Variants in GLIS1 observed in about 807,000 individuals in gnomAD.
GLIS1 encodes zinc finger protein GLIS1.
In GLIS1, 24 loss-of-function variants were observed where a neutral mutation model predicts 63.8. That is an observed-to-expected ratio of 0.38 (90% CI 0.27 to 0.53). The LOEUF (loss-of-function observed/expected upper bound fraction) is 0.53, where lower values mean the gene tolerates loss of function less well. Among genes scored for constraint, GLIS1 ranks in the 20% least tolerant of loss-of-function variants. The pLI, the probability that GLIS1 is intolerant of heterozygous loss-of-function variation, is 0.85. For synonymous variants in GLIS1, 450 were observed against 482.5 expected, an observed-to-expected ratio of 0.93 and a Z score of 0.88; for missense variants, 1,036 against 1,074.1, an observed-to-expected ratio of 0.96 and a Z score of 0.50.
At position 53,598,270 on chromosome 1, in the gene GLIS1, C is replaced by T. The variant is rs1346541164; in HGVS notation, c.437+1831G>A. On this transcript the variant is annotated intron_variant, in intron 3 of 10. Transcript: ENST00000628545. The surrounding 1 kb of genome is among the most constrained non-coding windows in gnomAD (Gnocchi z 4.6). ...TCTTATAAGAAATGAGGGCCGGGCA[C>T]GGTGGCTCACGCCTGTAATCCCAGC... 1.3e-5 allele frequency among the ~76,000 whole-genome samples: 2 copies of T among 152,136 alleles called. No homozygotes were observed. Among genetic ancestry groups the T allele is most frequent in the Non-Finnish European group, 2.9e-5 (2 of 68,024 alleles).
intron 2 of GLIS1, among the ~76,000 whole-genome samples, chr1:53,694,982 T>G (rs947496799): frequency 1.3e-5 from 2 of 152,042 alleles, no homozygotes; most frequent in African/African-American, 4.8e-5. Flanking sequence ...GCTCACTACC[T>G]CCCCAGACAC....
intron 2 of GLIS1, among the ~76,000 whole-genome samples, chr1:53,630,361 C>A (rs1645638530): frequency 6.6e-6 from 1 of 152,306 alleles, no homozygotes; most frequent in East Asian, 1.9e-4. Flanking sequence ...CTTAGAAAAA[C>A]TTCCAAGGGG....
At chr1:53,674,001 GTCTC>G (rs1056204977) in intron 2 of GLIS1, among the ~76,000 whole-genome samples, 1 of 151,930 alleles carries the variant, frequency 6.6e-6, no homozygotes, top group African/African-American at 2.4e-5. Flanking sequence ...GTGAAACCCC[GTCTC>G]TATGAAAAAT....
intron 2 of GLIS1, among the ~76,000 whole-genome samples, chr1:53,629,693 T>TGATGATGGGTTGA (rs1645631889): frequency 6.6e-6 from 1 of 152,230 alleles, no homozygotes; most frequent in Non-Finnish European, 1.5e-5. Context: ...ATCACCTTCC[T>TGATGATGGGTTGA]GCAAGAGGCC....
chr1:53,553,206 C>A (rs1644779577), intron 4 of GLIS1, among the ~76,000 whole-genome samples: 1 of 152,198 alleles, frequency 6.6e-6, no homozygotes, highest in Non-Finnish European at 1.5e-5. Flanking sequence ...AAAGCGCAGC[C>A]TCGGGGCTGG....
intron 2 of GLIS1, among the ~76,000 whole-genome samples, chr1:53,659,343 T>G (rs1282449907): frequency 2.6e-5 from 4 of 152,142 alleles, no homozygotes; most frequent in African/African-American, 4.8e-5. Flanking sequence ...TTTCCAGCCC[T>G]GGGGTGAGCT....
intron 2 of GLIS1, among the ~76,000 whole-genome samples, chr1:53,730,884 GT>G (rs10712415): frequency 0.54 from 81,676 of 151,922 alleles, 23,868 homozygotes; most frequent in South Asian, 0.65. Flanking sequence ...AAACTCTCAA[GT>G]TCACTCTGAT....
At chr1:53,528,807 C>A (rs1324508283) in intron 5 of GLIS1, among the ~76,000 whole-genome samples, 3 of 152,160 alleles carry the variant, frequency 2.0e-5, no homozygotes, top group East Asian at 3.9e-4. Context: ...AATCCCCCAG[C>A]CTCTGACCCA....
chr1:53,606,494 G>A (rs958223584), intron 2 of GLIS1, among the ~76,000 whole-genome samples: 1 of 152,080 alleles, frequency 6.6e-6, no homozygotes, highest in Non-Finnish European at 1.5e-5. Flanking sequence ...GGGCGGGTGA[G>A]CAGCTCACCG....
rs560468446 is a variant in GLIS1 at position 53,509,720 on chromosome 1, C to G, written c.2062+129G>C. 15 of 534,144 alleles carry G rather than the reference C, an allele frequency of 2.8e-5. No homozygotes were observed. In the African/African-American group the frequency reaches 2.9e-4, roughly 10 times the overall value. 33.1% of individuals were successfully genotyped at this position (534,144 alleles called of 1,614,324 possible). A position where few individuals can be genotyped will look rare whatever the true frequency, so the allele number is the denominator to read the frequency against. On this transcript the variant is annotated intron_variant, in intron 9 of 10. Transcript: ENST00000628545. ...TCCCCTGTCTCCTAGCTTCTCTCAG[C>G]CCCCAGTGCCCAGCCGGTCATTCTC...
chr1:53,728,843 G>T (rs1251845972), intron 2 of GLIS1, among the ~76,000 whole-genome samples: 1 of 152,208 alleles, frequency 6.6e-6, no homozygotes, highest in Non-Finnish European at 1.5e-5. Context: ...CGGCACAAAG[G>T]CCTTGAATGC....
intron 4 of GLIS1, among the ~76,000 whole-genome samples, chr1:53,544,937 C>T (rs1239626945): frequency 6.6e-6 from 1 of 152,156 alleles, no homozygotes. Context: ...CCAAGGACCT[C>T]ATGTTGTGGG....
chr1:53,609,337 G>A lies in GLIS1; in HGVS notation c.260-9059C>T, dbSNP rs868229522. Reference sequence around the variant, plus strand: ...CGCCCAGGCTGGAGTGCAGTCGTGCGATCTTGGCTCACTGCAACCTCCACC... The same window carrying A: ...CGCCCAGGCTGGAGTGCAGTCGTGCAATCTTGGCTCACTGCAACCTCCACC... On this transcript the variant is annotated intron_variant, in intron 2 of 10. Coordinates refer to ENST00000628545, the MANE Select transcript of GLIS1 (RefSeq NM_001367484.1). 4.8e-4 allele frequency among the ~76,000 whole-genome samples: 63 copies of A among 130,014 alleles called. No individual in the cohort carries two copies. The Admixed American group carries it at 5.5e-3, about 11-fold the overall frequency. 85.3% of individuals were successfully genotyped at this position (130,014 alleles called of 152,430 possible). A position where few individuals can be genotyped will look rare whatever the true frequency, so the allele number is the denominator to read the frequency against.
chr1:53,724,068 A>T (rs895240621), intron 2 of GLIS1, among the ~76,000 whole-genome samples: 1 of 152,182 alleles, frequency 6.6e-6, no homozygotes, highest in African/African-American at 2.4e-5. Context: ...GAACACTCTG[A>T]GAATAGGACA....
At chr1:53,512,053 T>C (rs1049488166) in intron 8 of GLIS1, among the ~76,000 whole-genome samples, 1 of 152,212 alleles carries the variant, frequency 6.6e-6, no homozygotes, top group East Asian at 1.9e-4. Flanking sequence ...ATGAACCAGA[T>C]ATGAAGGGGA....
intron 4 of GLIS1, among the ~76,000 whole-genome samples, chr1:53,593,444 C>T (rs191713173): frequency 6.4e-4 from 98 of 152,344 alleles, no homozygotes; most frequent in Admixed American, 2.8e-3. Context: ...TGTGTGCACG[C>T]GTGCATGCAT....
chr1:53,552,285 C>T (rs1644767986), intron 4 of GLIS1, among the ~76,000 whole-genome samples: 1 of 152,040 alleles, frequency 6.6e-6, no homozygotes, highest in African/African-American at 2.4e-5. Context: ...AGGAGGGGGA[C>T]CAGGCGGGTC....
chr1:53,629,293 T>C (rs1326041993), intron 2 of GLIS1, among the ~76,000 whole-genome samples: 1 of 152,118 alleles, frequency 6.6e-6, no homozygotes, highest in Non-Finnish European at 1.5e-5. Context: ...AAATGCTTCC[T>C]CCCTGAAGCC....
intron 2 of GLIS1, among the ~76,000 whole-genome samples, chr1:53,642,821 G>A (rs10888800): frequency 0.53 from 81,179 of 151,994 alleles, 23,212 homozygotes; most frequent in Non-Finnish European, 0.63. Context: ...CAGGCTGCCC[G>A]GCCTCCCCAG....
Sources: allele counts gnomAD v4.1 joint callset (sites outside exome capture counted in the v4.1 genomes callset), GRCh38; gene constraint gnomAD v4.1.1; non-coding constraint Gnocchi (gnomAD v3.1); transcripts MANE v1.5; gene names NCBI Gene and HGNC (gene_info 2026-07-23, HGNC 2026-07-21).